The following CCSER1 variants were observed in gnomAD, a reference collection of about 807,000 sequenced individuals.
CCSER1 encodes the protein coiled-coil serine rich protein 1.
Under a neutral mutation model 82.0 loss-of-function variants are expected in CCSER1, and 41 were observed. The ratio of observed to expected loss-of-function variants is 0.50; its 90% CI spans 0.39 to 0.65. CCSER1 has a LOEUF of 0.65. Ranked by LOEUF, CCSER1 falls within the 30% of genes least tolerant of loss-of-function variation. The pLI is 0.00. For missense variants in CCSER1, 1,119 were observed against 1,064.2 expected, an observed-to-expected ratio of 1.05 and a Z score of -0.72; for synonymous variants, 414 against 383.9, an observed-to-expected ratio of 1.08 and a Z score of -0.92.
intron 10 of CCSER1, among the ~76,000 whole-genome samples, chr4:91,262,498 T>C (rs1741268445): frequency 6.6e-6 from 1 of 152,020 alleles, no homozygotes; most frequent in South Asian, 2.1e-4. Context: ...AGATACTCAA[T>C]GAATATATAC....
intron 10 of CCSER1, among the ~76,000 whole-genome samples, chr4:91,233,207 A>C (rs1356248531): frequency 6.6e-6 from 1 of 151,938 alleles, no homozygotes; most frequent in African/African-American, 2.4e-5. Flanking sequence ...CCAAGCGACT[A>C]GAGTTCTGAA....
intron 9 of CCSER1, among the ~76,000 whole-genome samples, chr4:90,962,329 G>A (rs1266410465): frequency 6.6e-6 from 1 of 151,978 alleles, no homozygotes; most frequent in Non-Finnish European, 1.5e-5. Context: ...TATAAAATAG[G>A]AATGATGGCT....
chr4:90,194,433 AG>A, intron 1 of CCSER1, among the ~76,000 whole-genome samples: 1 of 152,192 alleles, frequency 6.6e-6, no homozygotes, highest in South Asian at 2.1e-4. Flanking sequence ...TATATCAGAT[AG>A]GTACACTCTG....
At chr4:90,959,607 T>C (rs1733861200) in intron 9 of CCSER1, among the ~76,000 whole-genome samples, 1 of 152,158 alleles carries the variant, frequency 6.6e-6, no homozygotes, top group Non-Finnish European at 1.5e-5. Context: ...CCTCACTTTA[T>C]TTATGAGAAA....
chr4:90,965,868 A>C (rs2150386584), intron 9 of CCSER1, among the ~76,000 whole-genome samples: 1 of 152,246 alleles, frequency 6.6e-6, no homozygotes, highest in East Asian at 1.9e-4. Flanking sequence ...TAAAGAACTA[A>C]ACGAAAGTGC....
At chr4:90,774,674 C>A (rs1752667019) in intron 7 of CCSER1, among the ~76,000 whole-genome samples, 1 of 152,012 alleles carries the variant, frequency 6.6e-6, no homozygotes, top group Admixed American at 6.6e-5. Context: ...TTATTAAGTG[C>A]TGTTAGCCAT....
chr4:90,922,326 G>A (rs758175117), intron 8 of CCSER1, among the ~76,000 whole-genome samples: 1 of 151,936 alleles, frequency 6.6e-6, no homozygotes, highest in Non-Finnish European at 1.5e-5. Flanking sequence ...GGAAGGAACA[G>A]GAAAGGAAGG....
intron 5 of CCSER1, among the ~76,000 whole-genome samples, chr4:90,597,973 A>AT (rs962255767): frequency 1.9e-4 from 28 of 149,616 alleles, no homozygotes; most frequent in Non-Finnish European, 3.0e-4. Context: ...GCAGGATCTG[A>AT]TTTTTTTTTT....
At chr4:90,694,627 C>G (rs1736649089) in intron 6 of CCSER1, among the ~76,000 whole-genome samples, 1 of 151,698 alleles carries the variant, frequency 6.6e-6, no homozygotes, top group African/African-American at 2.4e-5. Flanking sequence ...TTCGTGTTTA[C>G]TTGTTGTTTT....
chr4:90,981,574 G>A (rs865896525), intron 9 of CCSER1, among the ~76,000 whole-genome samples: 2 of 151,832 alleles, frequency 1.3e-5, no homozygotes, highest in Admixed American at 6.6e-5. Context: ...GGATCTGTTT[G>A]ATTTACTCAT....
intron 1 of CCSER1, among the ~76,000 whole-genome samples, chr4:90,146,785 G>GTTGC (rs1403310822): frequency 2.0e-5 from 3 of 152,046 alleles, no homozygotes; most frequent in East Asian, 3.9e-4. Context: ...TTAACTTGAA[G>GTTGC]ATGTGGCATT....
At chr4:91,074,276 TTGGAA>T (rs1258636374) in intron 9 of CCSER1, among the ~76,000 whole-genome samples, 2 of 152,296 alleles carry the variant, frequency 1.3e-5, no homozygotes, top group Middle Eastern at 3.4e-3. Flanking sequence ...GGTAAAACAC[TTGGAA>T]TGGTGCTTGG....
At chr4:90,524,271 A>G (rs1773478671) in intron 5 of CCSER1, among the ~76,000 whole-genome samples, 1 of 152,176 alleles carries the variant, frequency 6.6e-6, no homozygotes, top group Non-Finnish European at 1.5e-5. Context: ...TGATAAGGAA[A>G]ACTTCAGGCC....
intron 3 of CCSER1, among the ~76,000 whole-genome samples, chr4:90,393,449 G>A (rs981792541): frequency 6.6e-6 from 1 of 152,116 alleles, no homozygotes; most frequent in Non-Finnish European, 1.5e-5. Flanking sequence ...GAAGAATGCT[G>A]ACTAGGCTGT....
At chr4:91,243,652 A>G (rs765516455) in intron 10 of CCSER1, among the ~76,000 whole-genome samples, 17 of 152,328 alleles carry the variant, frequency 1.1e-4, no homozygotes, top group Non-Finnish European at 2.2e-4. Flanking sequence ...TGACATTTCT[A>G]GACATTCCCT....
At position 90,419,331 on chromosome 4, in the gene CCSER1, C is replaced by A. The variant is rs143690828; in HGVS notation, c.1603+19202C>A. Among the ~76,000 whole-genome samples the A allele has an allele frequency of 5.7e-4, 87 of 151,930 alleles. 4 individuals carry two copies. In the East Asian group the frequency reaches 0.016, roughly 28 times the overall value. On this transcript the variant is annotated intron_variant, in intron 4 of 10. Coordinates refer to ENST00000509176, the MANE Select transcript of CCSER1 (RefSeq NM_001145065.2). Reference sequence around the variant, plus strand: ...TTGTTCTTCTAACGATGATAGTAATCCTGTCATACATTTGTATTCAGCTTT... The same window carrying A: ...TTGTTCTTCTAACGATGATAGTAATACTGTCATACATTTGTATTCAGCTTT...
chr4:91,075,545 C>A (rs1721898064), intron 9 of CCSER1, among the ~76,000 whole-genome samples: 1 of 152,176 alleles, frequency 6.6e-6, no homozygotes, highest in Admixed American at 6.5e-5. Flanking sequence ...AACCCATATG[C>A]ATACATATAT....
At chr4:90,561,779 T>C (rs546737522) in intron 5 of CCSER1, among the ~76,000 whole-genome samples, 10 of 152,308 alleles carry the variant, frequency 6.6e-5, no homozygotes, top group Non-Finnish European at 1.3e-4. Context: ...TCTCTACATA[T>C]AGTATTTTCC....
At chr4:91,403,854 T>G (rs909774702) in intron 10 of CCSER1, among the ~76,000 whole-genome samples, 1 of 152,162 alleles carries the variant, frequency 6.6e-6, no homozygotes, top group Non-Finnish European at 1.5e-5. Context: ...GGTCTAAAAT[T>G]CTCTTTTTTT....
Sources: gnomAD v4.1 joint callset for allele counts (sites outside exome capture counted in the v4.1 genomes callset) on GRCh38, gnomAD v4.1.1 for gene constraint, MANE v1.5 for transcripts, NCBI Gene and HGNC (gene_info 2026-07-23, HGNC 2026-07-21) for gene names.